Variants in MCRIP2 observed in about 807,000 individuals in gnomAD.
The protein encoded by MCRIP2 is MAPK regulated corepressor interacting protein 2.
A neutral mutation model predicts 23.2 loss-of-function variants in MCRIP2; 21 were observed. The observed-to-expected ratio is 0.90, with a 90% CI of 0.64 to 1.30. The LOEUF (loss-of-function observed/expected upper bound fraction) is 1.30. Among genes scored for constraint, MCRIP2 ranks in the 50% most tolerant of loss-of-function variants. MCRIP2 has a pLI of 0.00. For missense variants in MCRIP2, 234 were observed against 223.2 expected (o/e 1.05, Z -0.31); for synonymous variants, 121 against 100.2 (o/e 1.21, Z -1.24).
At position 642,224 on chromosome 16, in the gene MCRIP2, C is replaced by A. The variant is rs1051777555; in HGVS notation, c.157C>A (p.Pro53Thr). Residue 53 changes from proline to threonine, a missense_variant, in exon 2 of 5, where the codon CCG becomes ACG. Physicochemically the swap from Pro to Thr is conservative, Grantham distance 38. Coordinates refer to ENST00000307650, the MANE Select transcript of MCRIP2 (RefSeq NM_138418.4). ...QPPRAQPFAQ[P>T]PGPWPLSSPG... Reference sequence around the variant, plus strand: ...CCCGCGGGCGCAGCCCTTTGCGCAGCCGCCGGGACCCTGGCCCCTGTCGAG... The same window carrying A: ...CCCGCGGGCGCAGCCCTTTGCGCAGACGCCGGGACCCTGGCCCCTGTCGAG... The A allele has an allele frequency of 1.6e-6, 2 of 1,244,622 alleles. No homozygotes were observed. The highest frequency in any genetic ancestry group is 2.0e-6 in the Non-Finnish European group (2 of 995,090). The allele number at this position is 1,244,622 out of a possible 1,614,324, so 77.1% of individuals were successfully genotyped here. A position where few individuals can be genotyped will look rare whatever the true frequency, so the allele number is the denominator to read the frequency against.
rs1034302993 is a variant in MCRIP2 at position 646,710 on chromosome 16, C to G, written c.183-707C>G. The G allele has an allele frequency of 1.3e-5, 2 of 152,200 alleles. No homozygotes were observed. Among genetic ancestry groups the G allele is most frequent in the Non-Finnish European group, 2.9e-5 (2 of 68,058 alleles). The allele number at this position is 152,200 out of a possible 1,614,324, so 9.4% of individuals were successfully genotyped here. On this transcript the variant is annotated intron_variant, in intron 2 of 4. Coordinates refer to ENST00000307650, the MANE Select transcript of MCRIP2 (RefSeq NM_138418.4). This position sits in a 1 kb window ranked among gnomAD's most constrained non-coding sequence, Gnocchi z 6.5. ...CTGCCCTGGGCCCGGCTGGCCGGGACGGGCCCAGGGGCCCACCAGACGTTG... is the reference window on the plus strand; with the variant it reads ...CTGCCCTGGGCCCGGCTGGCCGGGAGGGGCCCAGGGGCCCACCAGACGTTG...
intron 2 of MCRIP2, among the ~76,000 whole-genome samples, chr16:644,508 A>G (rs970730114): frequency 7.9e-5 from 12 of 151,996 alleles, no homozygotes; most frequent in Admixed American, 6.6e-4. Context: ...CAGTGGTGCA[A>G]TCATGGCTCA....
chr16:647,674 G>A lies in MCRIP2; in HGVS notation c.311-109G>A, dbSNP rs2037523656. The A allele has an allele frequency of 1.6e-5, 25 of 1,524,462 alleles. No homozygotes were observed. In the South Asian group the frequency reaches 3.0e-4, roughly 18 times the overall value. 94.4% of individuals were successfully genotyped at this position (1,524,462 alleles called of 1,614,324 possible). A position where few individuals can be genotyped will look rare whatever the true frequency, so the allele number is the denominator to read the frequency against. ...CTTTTCCTTGGCACTCTGCCCTTGT[G>A]TCCTGTGACCAGCCCTGTGTGGGGC... On this transcript the variant is annotated intron_variant, in intron 3 of 4. Transcript: ENST00000307650.
chr16:645,761 G>C (rs1037547355), intron 2 of MCRIP2: 5 of 152,546 alleles, frequency 3.3e-5, no homozygotes, highest in African/African-American at 1.2e-4. Flanking sequence ...GCAAGAGACG[G>C]GGGTGGGGAG....
In MCRIP2 at chr16:642,105, C is replaced by T. The variant is rs962472227; in HGVS notation, c.53-15C>T. 8 of 1,335,618 alleles carry T rather than the reference C, an allele frequency of 6.0e-6. No individual in the cohort carries two copies. In the Admixed American group the frequency reaches 1.1e-4, roughly 18 times the overall value. The allele number at this position is 1,335,618 out of a possible 1,614,324, so 82.7% of individuals were successfully genotyped here. A position where few individuals can be genotyped will look rare whatever the true frequency, so the allele number is the denominator to read the frequency against. On this transcript the variant is annotated splice_polypyrimidine_tract_variant and intron_variant, in intron 1 of 4. Coordinates refer to ENST00000307650, the MANE Select transcript of MCRIP2 (RefSeq NM_138418.4). ...CGGGGCGCGGCGGCGGCTGACCGCC[C>T]CCCGGTGCCCGCAGGTCCCACGCAG...
In MCRIP2 at chr16:646,899, C is replaced by A. The variant is rs149074060; in HGVS notation, c.183-518C>A. ...GGGCAGCCAGGGAGAGGGCAAAGGCCCCCGTTCCCGTCCAGGTCCATCCGT... is the reference window on the plus strand; with the variant it reads ...GGGCAGCCAGGGAGAGGGCAAAGGCACCCGTTCCCGTCCAGGTCCATCCGT... On this transcript the variant is annotated intron_variant, in intron 2 of 4. Transcript: ENST00000307650. The surrounding 1 kb of genome is among the most constrained non-coding windows in gnomAD (Gnocchi z 6.5). 475 of 160,100 alleles carry A rather than the reference C, an allele frequency of 3.0e-3. 3 individuals are homozygous for A. The highest frequency in any genetic ancestry group is 9.6e-3 in the African/African-American group (402 of 41,660). The allele number at this position is 160,100 out of a possible 1,614,324, so 9.9% of individuals were successfully genotyped here.
chr16:643,025 T>A (rs1252466407), intron 2 of MCRIP2: 1 of 152,098 alleles, frequency 6.6e-6, no homozygotes, highest in East Asian at 1.9e-4. Context: ...GGGCCAGGAG[T>A]TCAGGGCAGC....
chr16:642,022 C>T lies in MCRIP2; in HGVS notation c.31C>T (p.Leu11=), dbSNP rs1413965809. 8.3e-6 allele frequency: 11 copies of T among 1,326,394 alleles called. No individual in the cohort carries two copies. Among genetic ancestry groups the T allele is most frequent in the African/African-American group, 1.5e-5 (1 of 64,832 alleles). The allele number at this position is 1,326,394 out of a possible 1,614,324, so 82.2% of individuals were successfully genotyped here. A position where few individuals can be genotyped will look rare whatever the true frequency, so the allele number is the denominator to read the frequency against. MYTITKGPSK[L]VAQRRTGPTQ... is the part of the protein sequence containing the mutation. ...CACCATCACCAAGGGGCCCAGCAAG[C>T]TGGTCGCGCAGCGCCGCACAGGTGC... is the stretch of plus-strand genomic sequence containing the variant. Residue 11 remains leucine, a synonymous_variant, in exon 1 of 5, where the codon CTG becomes TTG. Transcript: ENST00000307650.
chr16:643,911 C>A (rs1482317441), intron 2 of MCRIP2, among the ~76,000 whole-genome samples: 2 of 152,134 alleles, frequency 1.3e-5, no homozygotes, highest in African/African-American at 4.8e-5. Context: ...ACCCCGTGTG[C>A]AGTGGGGCTA....
chr16:643,486 C>T (rs1280646451), intron 2 of MCRIP2, among the ~76,000 whole-genome samples: 1 of 151,426 alleles, frequency 6.6e-6, no homozygotes, highest in Non-Finnish European at 1.5e-5. Context: ...CCAGAGTTCT[C>T]CATGGGACCC....
At chr16:644,356 C>T (rs2037425365) in intron 2 of MCRIP2, among the ~76,000 whole-genome samples, 1 of 152,094 alleles carries the variant, frequency 6.6e-6, no homozygotes, top group Admixed American at 6.5e-5. Context: ...GCTGGGATTA[C>T]AGGCGTGAAC....
intron 2 of MCRIP2, 157 bp from the exon 3 acceptor site, chr16:647,260 C>A: frequency 9.9e-7 from 1 of 1,007,744 alleles, no homozygotes; most frequent in Non-Finnish European, 1.4e-6. Flanking sequence ...GCCTGGGCCA[C>A]CGGCTGCTGT....
At chr16:647,393 T>C (rs200589495) in intron 2 of MCRIP2, 24 bp from the exon 3 acceptor site, 14 of 1,611,398 alleles carry the variant, frequency 8.7e-6, no homozygotes, top group Non-Finnish European at 9.3e-6. Context: ...GCACCAACCA[T>C]GTCCGTCTCC....
chr16:642,246 C>G lies in MCRIP2; in HGVS notation c.179C>G (p.Ser60Trp). The change falls in exon 2 of 5, where the codon TCG becomes TGG. Residue 60 changes from serine (S) to tryptophan (W), a missense_variant. By Grantham distance (177) the Ser-to-Trp change is radical (BLOSUM62 -3). Transcript: ENST00000307650. ...FAQPPGPWPL[S>W]SPGPRLVFNR... ...CAGCCGCCGGGACCCTGGCCCCTGT[C>G]GAGGTGAGACGCGCGCGGCCCCGGC... 8.4e-7 allele frequency: 1 copy of G among 1,188,730 alleles called. No individual in the cohort carries two copies. Among genetic ancestry groups the G allele is most frequent in the Non-Finnish European group, 1.0e-6 (1 of 961,348 alleles). 73.6% of individuals were successfully genotyped at this position (1,188,730 alleles called of 1,614,324 possible).
At position 642,242 on chromosome 16, in the gene MCRIP2, C is replaced by T; in HGVS notation, c.175C>T (p.Leu59=). Reference sequence around the variant, plus strand: ...TGCGCAGCCGCCGGGACCCTGGCCCCTGTCGAGGTGAGACGCGCGCGGCCC... The same window carrying T: ...TGCGCAGCCGCCGGGACCCTGGCCCTTGTCGAGGTGAGACGCGCGCGGCCC... ...PFAQPPGPWP[L]SSPGPRLVFN... The change falls in exon 2 of 5, where the codon CTG becomes TTG. Residue 59 remains leucine (L), a synonymous_variant. Transcript: ENST00000307650. 5 of 1,205,518 alleles carry T rather than the reference C, an allele frequency of 4.1e-6. No individual in the cohort carries two copies. Among genetic ancestry groups the T allele is most frequent in the Non-Finnish European group, 5.1e-6 (5 of 972,238 alleles). The allele number at this position is 1,205,518 out of a possible 1,614,324, so 74.7% of individuals were successfully genotyped here.
chr16:642,627 G>A (rs1425623486), intron 2 of MCRIP2: 1 of 154,726 alleles, frequency 6.5e-6, no homozygotes, highest in Non-Finnish European at 1.4e-5. Context: ...AAGATCTCCC[G>A]GCTCTGCCCT....
In MCRIP2 at chr16:648,169, G is replaced by A. The variant is rs763306329; in HGVS notation, c.462G>A (p.Ala154=). 26 of 1,610,970 alleles carry A rather than the reference G, an allele frequency of 1.6e-5. No individual in the cohort carries two copies. In the Admixed American group the frequency reaches 2.8e-4, roughly 18 times the overall value. ...AGTGGTGGGCGCAGCAGTTCCTGGCGAGAATCACCAGCTGTTCCTAGTGGC... is the reference window on the plus strand; with the variant it reads ...AGTGGTGGGCGCAGCAGTTCCTGGCAAGAATCACCAGCTGTTCCTAGTGGC... ...LDEWWAQQFL[A]RITSCS Residue 154 remains alanine (A), a synonymous_variant, in exon 5 of 5, where the codon GCG becomes GCA. Coordinates refer to ENST00000307650, the MANE Select transcript of MCRIP2 (RefSeq NM_138418.4).
In MCRIP2 at chr16:642,182, C is replaced by A. The variant is rs2037359179; in HGVS notation, c.115C>A (p.Pro39Thr). The A allele has an allele frequency of 7.5e-7, 1 of 1,338,650 alleles. No individual in the cohort carries two copies. The highest frequency in any genetic ancestry group is 3.0e-5 in the Admixed American group (1 of 32,930). 82.9% of individuals were successfully genotyped at this position (1,338,650 alleles called of 1,614,324 possible). A position where few individuals can be genotyped will look rare whatever the true frequency, so the allele number is the denominator to read the frequency against. ...GCTCCTGAAATGCCGGCAGCCCGCG[C>A]CGCCGACCTCGCAGCCCCCGCGGGC... Reference protein sequence around the residue: ...GELLKCRQPAPPTSQPPRAQP... With the variant: ...GELLKCRQPATPTSQPPRAQP... The change falls in exon 2 of 5, where the codon CCG becomes ACG. Residue 39 changes from proline (P) to threonine (T), a missense_variant. Coordinates refer to ENST00000307650, the MANE Select transcript of MCRIP2 (RefSeq NM_138418.4).
At chr16:645,940 G>A (rs954273163) in intron 2 of MCRIP2, 2 of 152,278 alleles carry the variant, frequency 1.3e-5, no homozygotes, top group African/African-American at 2.4e-5. Context: ...AAAGGGATGG[G>A]CTGTGGAGGG....
Sources: allele counts gnomAD v4.1 joint callset (sites outside exome capture counted in the v4.1 genomes callset), GRCh38; gene constraint gnomAD v4.1.1; non-coding constraint Gnocchi (gnomAD v3.1); transcripts MANE v1.5; gene names NCBI Gene and HGNC (gene_info 2026-07-23, HGNC 2026-07-21).